DGKB: variants seen among roughly 807,000 people sequenced by gnomAD.
The protein encoded by DGKB is diacylglycerol kinase beta, also known as 90 kDa diacylglycerol kinase.
DGKB carries 67 observed loss-of-function variants against 114.3 expected under a neutral mutation model. The ratio of observed to expected loss-of-function variants is 0.59; its 90% CI spans 0.48 to 0.72. DGKB has a LOEUF of 0.72. Among genes scored for constraint, DGKB ranks in the 30% least tolerant of loss-of-function variants. The pLI is 0.00. For synonymous variants in DGKB, 398 were observed against 323.1 expected, an observed-to-expected ratio of 1.23 and a Z score of -2.49; for missense variants, 907 against 975.2, an observed-to-expected ratio of 0.93 and a Z score of 0.93.
At chr7:14,309,685 G>A (rs1389346859) in intron 23 of DGKB, among the ~76,000 whole-genome samples, 2 of 152,150 alleles carry the variant, frequency 1.3e-5, no homozygotes, top group African/African-American at 2.4e-5. Flanking sequence ...GCTGACAAAG[G>A]GTAGATTTCT....
chr7:14,232,844 A>G (rs965129487), intron 23 of DGKB, among the ~76,000 whole-genome samples: 2 of 152,030 alleles, frequency 1.3e-5, no homozygotes, highest in African/African-American at 2.4e-5. Flanking sequence ...AACTCCCAGA[A>G]TGATGAATCT....
intron 3 of DGKB, among the ~76,000 whole-genome samples, chr7:14,754,413 T>C (rs1834569913): frequency 6.6e-6 from 1 of 152,224 alleles, no homozygotes; most frequent in African/African-American, 2.4e-5. Flanking sequence ...AGATTTTGAA[T>C]ATGTATTTCC....
At chr7:14,889,292 C>A (rs1042502871) in intron 1 of DGKB, among the ~76,000 whole-genome samples, 1 of 151,632 alleles carries the variant, frequency 6.6e-6, no homozygotes, top group Non-Finnish European at 1.5e-5. Flanking sequence ...GTAGAGGGAG[C>A]AATCCTCTCA....
intron 21 of DGKB, among the ~76,000 whole-genome samples, chr7:14,417,453 A>G (rs1825883744): frequency 6.6e-6 from 1 of 152,090 alleles, no homozygotes; most frequent in African/African-American, 2.4e-5. Flanking sequence ...ATTATGAGGT[A>G]TCCACTAATT....
intron 21 of DGKB, among the ~76,000 whole-genome samples, chr7:14,392,989 G>GTTTTTTT (rs776845811): frequency 7.3e-3 from 74 of 10,136 alleles, no homozygotes; most frequent in Middle Eastern, 0.071. Context: ...CCTGTTTTTT[G>GTTTTTTT]TTTTTGTTTT....
chr7:14,835,071 A>G (rs1348205531), intron 2 of DGKB, among the ~76,000 whole-genome samples: 1 of 152,166 alleles, frequency 6.6e-6, no homozygotes, highest in Non-Finnish European at 1.5e-5. Flanking sequence ...CATATATTCT[A>G]GAAATATAAT....
At chr7:14,829,580 A>G (rs10487781) in intron 2 of DGKB, among the ~76,000 whole-genome samples, 67,766 of 151,894 alleles carry the variant, frequency 0.45, 15,465 homozygotes, top group Non-Finnish European at 0.49. Context: ...TTATCAGTGA[A>G]CACTTTAGGA....
intron 12 of DGKB, among the ~76,000 whole-genome samples, chr7:14,682,063 G>A (rs1471881206): frequency 6.6e-6 from 1 of 151,980 alleles, no homozygotes; most frequent in Non-Finnish European, 1.5e-5. Context: ...AACTTTTTTG[G>A]TCTTAGTCTT....
intron 2 of DGKB, among the ~76,000 whole-genome samples, chr7:14,806,525 T>G (rs939579153): frequency 4.6e-5 from 7 of 152,036 alleles, no homozygotes; most frequent in African/African-American, 1.7e-4. Context: ...CTCTATTTTG[T>G]AAAAATGTGA....
At chr7:14,372,156 G>A (rs2128656143) in intron 21 of DGKB, among the ~76,000 whole-genome samples, 1 of 152,184 alleles carries the variant, frequency 6.6e-6, no homozygotes, top group East Asian at 1.9e-4. Flanking sequence ...GATCTTCAGT[G>A]GAAATGTGAG....
intron 23 of DGKB, among the ~76,000 whole-genome samples, chr7:14,190,062 T>G (rs1439065503): frequency 6.6e-6 from 1 of 152,130 alleles, no homozygotes; most frequent in Non-Finnish European, 1.5e-5. Context: ...TAACAGACAT[T>G]TACAGAACAT....
chr7:14,847,624 TA>T (rs2128151693), intron 1 of DGKB, among the ~76,000 whole-genome samples: 1 of 152,306 alleles, frequency 6.6e-6, no homozygotes, highest in African/African-American at 2.4e-5. Context: ...AAATTGTGTT[TA>T]GGGGGAAAGA....
chr7:14,378,991 A>G (rs774458000), intron 21 of DGKB, among the ~76,000 whole-genome samples: 3 of 152,184 alleles, frequency 2.0e-5, no homozygotes, highest in Non-Finnish European at 2.9e-5. Context: ...GATTAAAAAT[A>G]AAGTAAAGCA....
intron 21 of DGKB, among the ~76,000 whole-genome samples, chr7:14,351,474 AGTTT>A (rs1458770892): frequency 1.3e-5 from 2 of 152,212 alleles, no homozygotes; most frequent in African/African-American, 2.4e-5. Flanking sequence ...ATACATTTGT[AGTTT>A]GTTTTTCATC....
At chr7:14,240,252 C>A (rs1225372967) in intron 23 of DGKB, among the ~76,000 whole-genome samples, 3 of 151,980 alleles carry the variant, frequency 2.0e-5, no homozygotes, top group African/African-American at 7.2e-5. Context: ...ACCCAGTAAT[C>A]CCTCAAAGCC....
intron 23 of DGKB, among the ~76,000 whole-genome samples, chr7:14,213,597 T>C (rs113505708): frequency 0.018 from 2,700 of 152,276 alleles, 82 homozygotes; most frequent in African/African-American, 0.061. Flanking sequence ...GGAGTTCTTC[T>C]CCTATGATGC....
intron 23 of DGKB, among the ~76,000 whole-genome samples, chr7:14,295,117 G>A (rs1802332170): frequency 6.6e-6 from 1 of 152,158 alleles, no homozygotes; most frequent in African/African-American, 2.4e-5. Context: ...TCCCCAGCAT[G>A]TAGACTGGTT....
intron 4 of DGKB, among the ~76,000 whole-genome samples, chr7:14,738,283 T>G (rs1525094): frequency 0.71 from 107,729 of 152,188 alleles, 40,710 homozygotes; most frequent in Non-Finnish European, 0.84. Flanking sequence ...GATGAAAATA[T>G]TCACAAGCAT....
chr7:14,418,212 TATATATTATATATGTAC>T (rs2128756398), intron 21 of DGKB, among the ~76,000 whole-genome samples: 1 of 20,340 alleles, frequency 4.9e-5, no homozygotes, highest in East Asian at 1.0e-3. Context: ...TTTATAAATG[TATATATTATATATGTAC>T]ATATATTTTA....
Sources: allele counts gnomAD v4.1 joint callset (sites outside exome capture counted in the v4.1 genomes callset), GRCh38; gene constraint gnomAD v4.1.1; transcripts MANE v1.5; gene names NCBI Gene and HGNC (gene_info 2026-07-23, HGNC 2026-07-21).